The following FOXP1 variants were observed in gnomAD, a reference collection of about 807,000 sequenced individuals.
FOXP1 encodes forkhead box protein P1.
In FOXP1, 15 loss-of-function variants were observed where a neutral mutation model predicts 98.2. The ratio of observed to expected loss-of-function variants is 0.15; its 90% CI spans 0.10 to 0.24. The LOEUF (loss-of-function observed/expected upper bound fraction) is 0.24, where lower values mean the gene tolerates loss of function less well. FOXP1 is among the 10% of genes least tolerant of loss of function. FOXP1 has a pLI of 1.00. For synonymous variants in FOXP1, 371 were observed against 314.5 expected, an observed-to-expected ratio of 1.18 and a Z score of -1.90; for missense variants, 633 against 848.5, an observed-to-expected ratio of 0.75 and a Z score of 3.15.
At chr3:71,507,464 G>A (rs2041907352) in intron 2 of FOXP1, among the ~76,000 whole-genome samples, 1 of 151,988 alleles carries the variant, frequency 6.6e-6, no homozygotes, top group African/African-American at 2.4e-5. Flanking sequence ...ATATGATAAT[G>A]AAATATTATG....
intron 5 of FOXP1, among the ~76,000 whole-genome samples, chr3:71,220,978 A>C (rs1162166524): frequency 6.6e-6 from 1 of 151,502 alleles, no homozygotes; most frequent in Non-Finnish European, 1.5e-5. Context: ...ACTTAGACAC[A>C]CATATATAAA....
intron 6 of FOXP1, among the ~76,000 whole-genome samples, chr3:71,161,097 TAGA>T (rs1314044183): frequency 1.3e-5 from 2 of 152,240 alleles, no homozygotes; most frequent in Non-Finnish European, 2.9e-5. Context: ...CCTGACATTT[TAGA>T]AGGTCTAAGA....
intron 3 of FOXP1, among the ~76,000 whole-genome samples, chr3:71,418,089 T>G (rs1274395576): frequency 1.3e-5 from 2 of 151,038 alleles, no homozygotes; most frequent in Non-Finnish European, 2.9e-5. Flanking sequence ...CCTTGCCAAT[T>G]CCACAGTGAA....
chr3:71,260,875 G>A (rs1426759837), intron 5 of FOXP1, among the ~76,000 whole-genome samples: 3 of 152,052 alleles, frequency 2.0e-5, no homozygotes, highest in East Asian at 1.9e-4. Context: ...AGAGGTCTCC[G>A]AGACCAAAAG....
At chr3:71,083,326 C>T (rs1287986560) in intron 7 of FOXP1, among the ~76,000 whole-genome samples, 1 of 152,164 alleles carries the variant, frequency 6.6e-6, no homozygotes, top group Non-Finnish European at 1.5e-5. Flanking sequence ...CAAAAGTTCC[C>T]TGAGGCCTCC....
chr3:71,483,281 T>C (rs776629480), intron 3 of FOXP1, among the ~76,000 whole-genome samples: 3 of 152,208 alleles, frequency 2.0e-5, no homozygotes, highest in Non-Finnish European at 2.9e-5. Flanking sequence ...AATTGTACTC[T>C]AAATCAATAA....
At chr3:71,153,031 G>C (rs2060649329) in intron 6 of FOXP1, among the ~76,000 whole-genome samples, 1 of 152,190 alleles carries the variant, frequency 6.6e-6, no homozygotes, top group South Asian at 2.1e-4. Flanking sequence ...CCCCACGCTG[G>C]TCCATCTAAA....
chr3:71,524,539 T>TAAAAA, intron 2 of FOXP1, among the ~76,000 whole-genome samples: 1 of 128,902 alleles, frequency 7.8e-6, no homozygotes, highest in Non-Finnish European at 1.6e-5. Flanking sequence ...AAATAAATCT[T>TAAAAA]AAAAAAAAAA....
intron 6 of FOXP1, among the ~76,000 whole-genome samples, chr3:71,114,494 C>T (rs1449274158): frequency 6.6e-6 from 1 of 152,140 alleles, no homozygotes. Flanking sequence ...GGTTGAGTGG[C>T]GCCTTTGTGT....
At chr3:71,130,556 T>G in intron 6 of FOXP1, 1 of 1,598,474 alleles carries the variant, frequency 6.3e-7, no homozygotes, top group African/African-American at 1.3e-5. Context: ...GATTTCCGTC[T>G]TCTTGCTGTA....
At chr3:71,064,808 A>T (rs1208749374) in intron 7 of FOXP1, 2 of 984,154 alleles carry the variant, frequency 2.0e-6, no homozygotes, top group African/African-American at 3.5e-5. Context: ...GGCAAAGATC[A>T]ATCAGAAGGA....
At chr3:71,453,455 AT>A (rs1489090421) in intron 3 of FOXP1, among the ~76,000 whole-genome samples, 1 of 152,182 alleles carries the variant, frequency 6.6e-6, no homozygotes, top group Admixed American at 6.5e-5. Flanking sequence ...GCCAAAGCAG[AT>A]TTGCAGTGTG....
chr3:71,176,994 C>T (rs2061981484), intron 6 of FOXP1, among the ~76,000 whole-genome samples: 3 of 150,930 alleles, frequency 2.0e-5, no homozygotes, highest in Admixed American at 6.6e-5. Context: ...ACCTGGGAGG[C>T]GGAGGTTGCA....
At chr3:71,197,492 C>T (rs2063365813) in intron 6 of FOXP1, among the ~76,000 whole-genome samples, 1 of 152,118 alleles carries the variant, frequency 6.6e-6, no homozygotes, top group South Asian at 2.1e-4. Context: ...TCACAGGTAC[C>T]CAGGTCCATA....
At chr3:71,152,977 A>G (rs1224154554) in intron 6 of FOXP1, among the ~76,000 whole-genome samples, 1 of 152,042 alleles carries the variant, frequency 6.6e-6, no homozygotes, top group Non-Finnish European at 1.5e-5. Context: ...TCCCTTCCCC[A>G]CCCATGTGTA....
chr3:71,331,238 C>T (rs1466635054), intron 4 of FOXP1, among the ~76,000 whole-genome samples: 1 of 152,266 alleles, frequency 6.6e-6, no homozygotes, highest in South Asian at 2.1e-4. Context: ...GGCCAGCTGG[C>T]CCGCAAGCCT....
chr3:71,425,348 A>T (rs1406141464), intron 3 of FOXP1, among the ~76,000 whole-genome samples: 1 of 151,858 alleles, frequency 6.6e-6, no homozygotes, highest in Non-Finnish European at 1.5e-5. Context: ...CTGGTCTCGA[A>T]CTCCTGACCT....
chr3:71,461,401 C>T (rs2088088329), intron 3 of FOXP1, among the ~76,000 whole-genome samples: 1 of 152,074 alleles, frequency 6.6e-6, no homozygotes, highest in South Asian at 2.1e-4. Flanking sequence ...AGTAAGTGTA[C>T]GGTAGATTCT....
At chr3:71,192,014 C>T (rs1373995410) in intron 6 of FOXP1, among the ~76,000 whole-genome samples, 2 of 152,156 alleles carry the variant, frequency 1.3e-5, no homozygotes, top group Non-Finnish European at 2.9e-5. Context: ...GTGCTAGCCC[C>T]CAGCACAGTA....
Sources: allele counts gnomAD v4.1 joint callset (sites outside exome capture counted in the v4.1 genomes callset), GRCh38; gene constraint gnomAD v4.1.1; transcripts MANE v1.5; gene names NCBI Gene and HGNC (gene_info 2026-07-23, HGNC 2026-07-21).